The following KHDRBS3 variants were observed in gnomAD, a reference collection of about 807,000 sequenced individuals.
KHDRBS3 encodes the protein KH RNA binding domain containing, signal transduction associated 3.
A neutral mutation model predicts 45.6 loss-of-function variants in KHDRBS3; 23 were observed. The observed-to-expected ratio is 0.50, with a 90% CI of 0.36 to 0.72. The LOEUF is 0.72. KHDRBS3 is among the 30% of genes least tolerant of loss of function. The probability of loss-of-function intolerance (pLI) is 0.00; values close to 1 mark genes in which losing one functional copy is unlikely to be tolerated. For missense variants in KHDRBS3, 352 were observed against 424.8 expected (o/e 0.83, Z 1.51); for synonymous variants, 162 against 156.5 (o/e 1.04, Z -0.26).
intron 1 of KHDRBS3, among the ~76,000 whole-genome samples, chr8:135,485,262 A>T (rs1207909367): frequency 6.6e-6 from 1 of 152,226 alleles, no homozygotes; most frequent in Non-Finnish European, 1.5e-5. Flanking sequence ...AATGAAAGAT[A>T]TTGAATGAAT....
chr8:135,600,392 A>G (rs1829154716), intron 6 of KHDRBS3, among the ~76,000 whole-genome samples: 1 of 152,228 alleles, frequency 6.6e-6, no homozygotes, highest in South Asian at 2.1e-4. Flanking sequence ...TCTGAATGAA[A>G]TGATTCACAT....
Position 135,581,891 on chromosome 8 carries a change from G to A in KHDRBS3, c.625G>A (p.Val209Ile), listed in dbSNP as rs1828227932. The A allele has an allele frequency of 6.3e-7, 1 of 1,598,760 alleles. No individual in the cohort carries two copies. The highest frequency in any genetic ancestry group is 8.5e-7 in the Non-Finnish European group (1 of 1,169,714). Reference sequence around the variant, plus strand: ...TCTTGGTTACAGGGGAAGGGGAGGAGTTACAGCCCGGCCAGTTGGAGTTGT... The same window carrying A: ...TCTTGGTTACAGGGGAAGGGGAGGAATTACAGCCCGGCCAGTTGGAGTTGT... ...APAITRGRGG[V>I]TARPVGVVVP... Residue 209 changes from valine to isoleucine, a missense_variant, in exon 6 of 9, where the codon GTT (valine) becomes ATT (isoleucine). Val to Ile is a conservative substitution (Grantham distance 29, BLOSUM62 3). Coordinates refer to ENST00000355849, the MANE Select transcript of KHDRBS3 (RefSeq NM_006558.3).
At chr8:135,632,414 C>G (rs138574380) in intron 7 of KHDRBS3, among the ~76,000 whole-genome samples, 1,891 of 152,164 alleles carry the variant, frequency 0.012, 19 homozygotes, top group South Asian at 0.06. Flanking sequence ...AACCTCTTCT[C>G]CATTTGCTCT....
intron 2 of KHDRBS3, among the ~76,000 whole-genome samples, chr8:135,524,395 A>G (rs1825072138): frequency 6.6e-6 from 1 of 152,108 alleles, no homozygotes; most frequent in Non-Finnish European, 1.5e-5. Context: ...GTTTCTTTCC[A>G]TTTTCTCAGA....
At chr8:135,521,131 C>A in intron 1 of KHDRBS3, 106 bp from the exon 2 acceptor site, 1 of 682,924 alleles carries the variant, frequency 1.5e-6, no homozygotes, top group African/African-American at 1.8e-5. Context: ...TTTAATAGTC[C>A]ATACTTCAGT....
Position 135,607,131 on chromosome 8 carries a change from G to C in KHDRBS3, c.890+94G>C, listed in dbSNP as rs1829500605. On this transcript the variant is annotated intron_variant, in intron 7 of 8. Coordinates refer to ENST00000355849, the MANE Select transcript of KHDRBS3 (RefSeq NM_006558.3). ...GAAAAGTATGGCAGTCAGCTAGAGA[G>C]GGTAATTGGCTTGCCCTGTTTTTGT... 3.3e-6 allele frequency: 3 copies of C among 922,038 alleles called. No homozygotes were observed. In the East Asian group the frequency reaches 7.7e-5, roughly 24 times the overall value. 57.1% of individuals were successfully genotyped at this position (922,038 alleles called of 1,614,324 possible). A position where few individuals can be genotyped will look rare whatever the true frequency, so the allele number is the denominator to read the frequency against.
At chr8:135,467,697 C>T (rs533061998) in intron 1 of KHDRBS3, among the ~76,000 whole-genome samples, 127 of 152,368 alleles carry the variant, frequency 8.3e-4, no homozygotes, top group African/African-American at 2.9e-3. Flanking sequence ...CTCAGCCCCT[C>T]GTACCCGGGC....
intron 6 of KHDRBS3, among the ~76,000 whole-genome samples, chr8:135,591,104 G>A (rs372169657): frequency 3.6e-3 from 544 of 152,256 alleles, no homozygotes; most frequent in Non-Finnish European, 6.1e-3. Context: ...CTGAGGCTTG[G>A]TAGTGCCTAC....
chr8:135,637,098 G>A (rs544252059), intron 7 of KHDRBS3, among the ~76,000 whole-genome samples: 2 of 152,228 alleles, frequency 1.3e-5, no homozygotes, highest in South Asian at 2.1e-4. Context: ...CCTAATTCTG[G>A]AGCATATTAT....
At chr8:135,507,984 A>G (rs2130558582) in intron 1 of KHDRBS3, among the ~76,000 whole-genome samples, 1 of 152,324 alleles carries the variant, frequency 6.6e-6, no homozygotes, top group East Asian at 1.9e-4. Flanking sequence ...AGAAAAAAAC[A>G]TTGAGTATGA....
intron 3 of KHDRBS3, among the ~76,000 whole-genome samples, chr8:135,544,301 C>T (rs1826184113): frequency 6.6e-6 from 1 of 152,040 alleles, no homozygotes; most frequent in Non-Finnish European, 1.5e-5. Context: ...ATCAGGGCAT[C>T]CACAAGAATT....
At chr8:135,493,381 A>G (rs1328117560) in intron 1 of KHDRBS3, among the ~76,000 whole-genome samples, 1 of 152,094 alleles carries the variant, frequency 6.6e-6, no homozygotes, top group Non-Finnish European at 1.5e-5. Context: ...TTTTCTGATC[A>G]TAGGGAAAAA....
At chr8:135,474,093 T>G (rs2130242849) in intron 1 of KHDRBS3, among the ~76,000 whole-genome samples, 1 of 152,344 alleles carries the variant, frequency 6.6e-6, no homozygotes. Flanking sequence ...AATCTCATTG[T>G]TCATTTAATT....
At chr8:135,606,783 A>G (rs1247648796) in intron 6 of KHDRBS3, among the ~76,000 whole-genome samples, 172 bp from the exon 7 acceptor site, 1 of 152,188 alleles carries the variant, frequency 6.6e-6, no homozygotes, top group Non-Finnish European at 1.5e-5. Flanking sequence ...GCTTTTGTAG[A>G]GAGAATGTGT....
At chr8:135,458,606 C>A (rs1821249838) in intron 1 of KHDRBS3, 1 of 330,824 alleles carries the variant, frequency 3.0e-6, no homozygotes, top group Non-Finnish European at 5.9e-6. Flanking sequence ...GGATGGGCAG[C>A]CCATGCCAAG....
intron 3 of KHDRBS3, among the ~76,000 whole-genome samples, chr8:135,543,494 G>C (rs1826141821): frequency 6.6e-6 from 1 of 152,044 alleles, no homozygotes; most frequent in Non-Finnish European, 1.5e-5. Flanking sequence ...GTGAAATGTT[G>C]AACAATGATG....
At chr8:135,534,204 A>G (rs1415983725) in intron 2 of KHDRBS3, among the ~76,000 whole-genome samples, 3 of 139,978 alleles carry the variant, frequency 2.1e-5, no homozygotes, top group African/African-American at 5.2e-5. Flanking sequence ...TTATTTTACA[A>G]TTCTTCTCAG....
intron 7 of KHDRBS3, among the ~76,000 whole-genome samples, chr8:135,640,001 G>T (rs1258355243): frequency 6.6e-6 from 1 of 152,160 alleles, no homozygotes; most frequent in African/African-American, 2.4e-5. Flanking sequence ...GGAGAGGGTT[G>T]CTGGGGAAGA....
At chr8:135,632,335 T>C (rs547743205) in intron 7 of KHDRBS3, among the ~76,000 whole-genome samples, 2 of 152,100 alleles carry the variant, frequency 1.3e-5, no homozygotes, top group East Asian at 3.9e-4. Flanking sequence ...GGCTGGGTGT[T>C]CTCCATCTCT....
Sources: gnomAD v4.1 joint callset for allele counts (sites outside exome capture counted in the v4.1 genomes callset) on GRCh38, gnomAD v4.1.1 for gene constraint, MANE v1.5 for transcripts, NCBI Gene and HGNC (gene_info 2026-07-23, HGNC 2026-07-21) for gene names.